RBM19: variants seen among roughly 807,000 people sequenced by gnomAD.
RBM19 encodes the protein RNA binding motif protein 19, also known as probable RNA-binding protein 19.
A neutral mutation model predicts 116.8 loss-of-function variants in RBM19; 94 were observed. The observed-to-expected ratio is 0.80, with a 90% CI of 0.68 to 0.95. RBM19 has a LOEUF of 0.95. Among genes scored for constraint, RBM19 ranks in the 40% least tolerant of loss-of-function variants. RBM19 has a pLI of 0.00. For synonymous variants in RBM19, 475 were observed against 494.1 expected (o/e 0.96, Z 0.51); for missense variants, 1,161 against 1,220.7 (o/e 0.95, Z 0.73).
chr12:113,962,271 C>A lies in RBM19; in HGVS notation c.180G>T (p.Lys60Asn). The change falls in exon 2 of 24, where the codon AAG (lysine) becomes AAT (asparagine). Residue 60 changes from lysine (K) to asparagine (N), a missense_variant. Transcript: ENST00000261741. ...KSEEEAQKAQ[K>N]HFNKSFIDTS... is the part of the protein sequence containing the mutation. Reference sequence around the variant, plus strand: ...TGTCGATGAAGCTCTTGTTGAAATGCTTCTGTGCCTTCTGGGCCTCTTCCT... The same window carrying A: ...TGTCGATGAAGCTCTTGTTGAAATGATTCTGTGCCTTCTGGGCCTCTTCCT... 6.2e-7 allele frequency: 1 copy of A among 1,614,264 alleles called. No individual in the cohort carries two copies. The highest frequency in any genetic ancestry group is 8.5e-7 in the Non-Finnish European group (1 of 1,180,048).
Position 113,948,935 on chromosome 12 carries a change from T to A in RBM19, c.1174A>T (p.Asn392Tyr). ...TCGGCCAGGTCCTCCTCCTCTTCGTTCTCCCCGAGTATCCGGCCTTGCCAG... is the reference window on the plus strand; with the variant it reads ...TCGGCCAGGTCCTCCTCCTCTTCGTACTCCCCGAGTATCCGGCCTTGCCAG... ...KSWQGRILGE[N>Y]EEEEDLAESG... Residue 392 changes from asparagine to tyrosine, a missense_variant, in exon 10 of 24, where the codon AAC (asparagine) becomes TAC (tyrosine). Transcript: ENST00000261741. The A allele has an allele frequency of 6.2e-7, 1 of 1,614,168 alleles. No homozygotes were observed. The highest frequency in any genetic ancestry group is 8.5e-7 in the Non-Finnish European group (1 of 1,180,028).
intron 23 of RBM19, among the ~76,000 whole-genome samples, chr12:113,834,766 C>T (rs1259171432): frequency 3.9e-5 from 6 of 152,150 alleles, no homozygotes; most frequent in Admixed American, 3.3e-4. Flanking sequence ...CAGGTATAGA[C>T]ATTAACTACA....
At chr12:113,887,815 G>T (rs913829474) in intron 21 of RBM19, among the ~76,000 whole-genome samples, 1 of 151,686 alleles carries the variant, frequency 6.6e-6, no homozygotes, top group Non-Finnish European at 1.5e-5. Context: ...CTACCTCCTG[G>T]GTTCGGGTGA....
At chr12:113,947,818 T>C (rs1389915390) in intron 10 of RBM19, among the ~76,000 whole-genome samples, 3 of 152,224 alleles carry the variant, frequency 2.0e-5, no homozygotes, top group Admixed American at 6.5e-5. Context: ...ATGATGATAT[T>C]AGCATCATGC....
At chr12:113,830,575 CGG>C (rs1232420079) in intron 23 of RBM19, among the ~76,000 whole-genome samples, 48 of 12,082 alleles carry the variant, frequency 4.0e-3, no homozygotes, top group African/African-American at 0.023. Flanking sequence ...GGCTGCGGGG[CGG>C]GGGGGGGGGG....
intron 13 of RBM19, among the ~76,000 whole-genome samples, chr12:113,943,871 TTATTAA>T (rs1406612332): frequency 1.2e-4 from 19 of 152,044 alleles, no homozygotes; most frequent in African/African-American, 4.6e-4. Context: ...ATGAAATATA[TTATTAA>T]TATTAATTTT....
chr12:113,906,829 T>C (rs955263853), intron 21 of RBM19, among the ~76,000 whole-genome samples: 1 of 152,014 alleles, frequency 6.6e-6, no homozygotes, highest in African/African-American at 2.4e-5. Flanking sequence ...TACTTAGAAA[T>C]AGGACCTCTA....
At position 113,927,108 on chromosome 12, in the gene RBM19, A is replaced by G; in HGVS notation, c.2190T>C (p.Cys730=). 5.0e-6 allele frequency: 8 copies of G among 1,613,640 alleles called. No individual in the cohort carries two copies. Among genetic ancestry groups the G allele is most frequent in the Non-Finnish European group, 6.8e-6 (8 of 1,179,996 alleles). ...AATTGAGATTCTTAATAAACAGAGT[A>G]CATCCTGGGAGGCTCTCTTCTTCTT... ...EEEEEESLPG[C]TLFIKNLNFD... Residue 730 remains cysteine, a synonymous_variant, in exon 17 of 24, where the codon TGT becomes TGC. Transcript: ENST00000261741.
chr12:113,897,798 G>C (rs1400548428), intron 21 of RBM19, among the ~76,000 whole-genome samples: 1 of 152,240 alleles, frequency 6.6e-6, no homozygotes, highest in African/African-American at 2.4e-5. Context: ...AGGCTTGACT[G>C]TGCACAAAGC....
intron 21 of RBM19, among the ~76,000 whole-genome samples, chr12:113,913,618 C>T (rs1192768404): frequency 6.6e-6 from 1 of 152,228 alleles, no homozygotes; most frequent in Non-Finnish European, 1.5e-5. Context: ...CTTCAAACTA[C>T]AGAGTGAGAG....
At chr12:113,826,974 G>A (rs908733779) in intron 23 of RBM19, among the ~76,000 whole-genome samples, 4 of 152,170 alleles carry the variant, frequency 2.6e-5, no homozygotes, top group Admixed American at 6.5e-5. Flanking sequence ...TATCTGCCAG[G>A]GTTCAGGCTG....
intron 21 of RBM19, among the ~76,000 whole-genome samples, chr12:113,892,326 GC>G (rs1881015066): frequency 6.6e-6 from 1 of 152,112 alleles, no homozygotes; most frequent in Non-Finnish European, 1.5e-5. Context: ...ATTAATACCA[GC>G]CCTGCCTCCA....
Position 113,947,527 on chromosome 12 carries a change from T to A in RBM19, c.1277-63A>T. Reference sequence around the variant, plus strand: ...AGCCACTTGGCCCCAGGGAAGAATGTGGTGAGCACCAGCTGTGAGCCAACC... The same window carrying A: ...AGCCACTTGGCCCCAGGGAAGAATGAGGTGAGCACCAGCTGTGAGCCAACC... On this transcript the variant is annotated intron_variant, in intron 10 of 23. Coordinates refer to ENST00000261741, the MANE Select transcript of RBM19 (RefSeq NM_016196.4). The A allele has an allele frequency of 2.0e-6, 3 of 1,528,194 alleles. No individual in the cohort carries two copies. In the South Asian group the frequency reaches 3.8e-5, roughly 19 times the overall value. The allele number at this position is 1,528,194 out of a possible 1,614,324, so 94.7% of individuals were successfully genotyped here.
At chr12:113,914,928 GC>G (rs776727047) in intron 21 of RBM19, 40 bp downstream of exon 21, 5 of 1,556,458 alleles carry the variant, frequency 3.2e-6, no homozygotes, top group Non-Finnish European at 4.4e-6. Flanking sequence ...CAGGCTCCCC[GC>G]CCACACGCCA....
chr12:113,880,155 A>C (rs750434114), intron 21 of RBM19, among the ~76,000 whole-genome samples: 6 of 152,060 alleles, frequency 3.9e-5, no homozygotes, highest in Admixed American at 3.9e-4. Flanking sequence ...ATGTACATCC[A>C]AGTACTGTAT....
intron 22 of RBM19, among the ~76,000 whole-genome samples, chr12:113,845,109 G>A (rs1434476031): frequency 6.6e-6 from 1 of 152,150 alleles, no homozygotes; most frequent in African/African-American, 2.4e-5. Flanking sequence ...TAGTGGGCTC[G>A]CCTCCCACCC....
intron 23 of RBM19, among the ~76,000 whole-genome samples, chr12:113,831,221 C>A (rs970050708): frequency 1.4e-5 from 2 of 146,924 alleles, no homozygotes; most frequent in South Asian, 2.3e-4. Context: ...AAATAAAGAT[C>A]TAATTTCAGC....
intron 16 of RBM19, among the ~76,000 whole-genome samples, chr12:113,935,405 C>G (rs776172338): frequency 5.3e-5 from 8 of 152,030 alleles, no homozygotes; most frequent in Non-Finnish European, 1.2e-4. Flanking sequence ...GCCAGGATGA[C>G]ATGAAGAGAA....
chr12:113,942,232 C>T, intron 14 of RBM19, 92 bp downstream of exon 14: 1 of 1,078,188 alleles, frequency 9.3e-7, no homozygotes, highest in Non-Finnish European at 1.3e-6. Flanking sequence ...CTTAGAAGGC[C>T]AGATCCTTAA....
Sources: allele counts gnomAD v4.1 joint callset (sites outside exome capture counted in the v4.1 genomes callset), GRCh38; gene constraint gnomAD v4.1.1; transcripts MANE v1.5; gene names NCBI Gene and HGNC (gene_info 2026-07-23, HGNC 2026-07-21).